Variants in MTAP observed in about 807,000 individuals in gnomAD.
MTAP encodes the protein S-methyl-5'-thioadenosine phosphorylase.
MTAP carries 33 observed loss-of-function variants against 33.6 expected under a neutral mutation model. The ratio of observed to expected loss-of-function variants is 0.98; its 90% CI spans 0.74 to 1.31. The LOEUF (loss-of-function observed/expected upper bound fraction) is 1.31. Among genes scored for constraint, MTAP ranks in the 40% most tolerant of loss-of-function variants. MTAP has a pLI of 0.00. For missense variants in MTAP, 367 were observed against 360.0 expected (o/e 1.02, Z -0.16); for synonymous variants, 148 against 125.7 (o/e 1.18, Z -1.19).
intron 5 of MTAP, among the ~76,000 whole-genome samples, chr9:21,852,420 G>A (rs1310037743): frequency 1.3e-5 from 2 of 150,342 alleles, no homozygotes; most frequent in Non-Finnish European, 2.9e-5. Context: ...CTGAGCCAGA[G>A]AACTGCTTGA....
downstream of MTAP, among the ~76,000 whole-genome samples, chr9:21,940,672 G>A (rs1819123224): frequency 6.6e-6 from 1 of 152,002 alleles, no homozygotes; most frequent in African/African-American, 2.4e-5. Context: ...AGTTTATAAT[G>A]AAAAATACAA....
At chr9:21,829,057 G>A (rs886993933) in intron 4 of MTAP, among the ~76,000 whole-genome samples, 9 of 152,118 alleles carry the variant, frequency 5.9e-5, no homozygotes, top group African/African-American at 2.2e-4. Flanking sequence ...TGTGGTTAAT[G>A]CCCTCTATGT....
chr9:21,930,843 GA>G, intron 1 of MTAP: 1 of 666,148 alleles, frequency 1.5e-6, no homozygotes, highest in South Asian at 1.8e-5. Flanking sequence ...CAGCTTACAA[GA>G]ACAAGCCTCT....
chr9:21,927,219 T>G (rs1156426457), intron 1 of MTAP, among the ~76,000 whole-genome samples: 1 of 152,158 alleles, frequency 6.6e-6, no homozygotes, highest in Non-Finnish European at 1.5e-5. Context: ...TCAAATGTCC[T>G]ATAGGTTACT....
chr9:21,832,694 G>T (rs1433138717), intron 4 of MTAP, among the ~76,000 whole-genome samples: 1 of 152,140 alleles, frequency 6.6e-6, no homozygotes, highest in Non-Finnish European at 1.5e-5. Flanking sequence ...ACCTAGTTGT[G>T]TTATTAACTT....
At chr9:21,874,926 T>C (rs1276790906) in intron 1 of MTAP, among the ~76,000 whole-genome samples, 1 of 152,206 alleles carries the variant, frequency 6.6e-6, no homozygotes, top group East Asian at 1.9e-4. Flanking sequence ...CTCCCACTTA[T>C]GAGTGAGAAC....
rs1045958264 is a variant in MTAP, at chr9:21,854,917, G to T, written c.690+47G>T. ...GCACATATAGCATGGGTTTCTGGGT[G>T]CCAATAGGGTGTCTTAACTGTTTGT... On this transcript the variant is annotated intron_variant, in intron 6 of 7. Transcript: ENST00000644715. 4.4e-6 allele frequency: 7 copies of T among 1,599,700 alleles called. No individual in the cohort carries two copies. In the African/African-American group the frequency reaches 9.4e-5, roughly 21 times the overall value.
chr9:21,896,168 C>A lies in MTAP; in HGVS notation c.148-34840C>A, dbSNP rs201779671. ...ACCTGCTCCTGAATGACTATTGGGT[C>A]CATAACGAAAGGAAGGCAGAAATAA... On this transcript the variant is annotated intron_variant, in intron 1 of 1. Coordinates refer to the MTAP transcript ENST00000577563. 7.2e-5 allele frequency among the ~76,000 whole-genome samples: 11 copies of A among 152,206 alleles called. No individual in the cohort carries two copies. The South Asian group carries it at 1.0e-3, about 14-fold the overall frequency.
chr9:21,859,173 C>T lies in MTAP; in HGVS notation c.691-130C>T, dbSNP rs528925738. The T allele has an allele frequency of 5.7e-5, 77 of 1,340,524 alleles. No individual in the cohort carries two copies. In the South Asian group the frequency reaches 9.3e-4, roughly 16 times the overall value. The allele number at this position is 1,340,524 out of a possible 1,614,324, so 83.0% of individuals were successfully genotyped here. ...CTCCAAATACCCTACATTGAGGATT[C>T]GGTTTCAGCAGATAAATTTGAGGGG... On this transcript the variant is annotated intron_variant, in intron 6 of 7. Coordinates refer to ENST00000644715, the MANE Select transcript of MTAP (RefSeq NM_002451.4).
chr9:21,823,935 C>T (rs1002831576), intron 4 of MTAP, among the ~76,000 whole-genome samples: 5 of 152,206 alleles, frequency 3.3e-5, no homozygotes, highest in Non-Finnish European at 7.3e-5. Flanking sequence ...ACGTAGTTCT[C>T]GTACTATGGT....
intron 7 of MTAP, chr9:21,860,000 G>A (rs1310931195): frequency 6.6e-6 from 1 of 152,088 alleles, no homozygotes; most frequent in Admixed American, 6.5e-5. Flanking sequence ...AACCACATAG[G>A]GAAAGACTTG....
At chr9:21,810,066 TAG>T (rs573028224) in intron 1 of MTAP, among the ~76,000 whole-genome samples, 7 of 152,362 alleles carry the variant, frequency 4.6e-5, no homozygotes, top group Non-Finnish European at 1.0e-4. Flanking sequence ...GACTAAAATA[TAG>T]AGTCACTGTA....
At chr9:21,829,046 T>C (rs1366025403) in intron 4 of MTAP, among the ~76,000 whole-genome samples, 1 of 152,368 alleles carries the variant, frequency 6.6e-6, no homozygotes, top group East Asian at 1.9e-4. Flanking sequence ...AGAAGATGCC[T>C]TGTGGTTAAT....
At chr9:21,817,711 C>T (rs1285655024) in intron 3 of MTAP, among the ~76,000 whole-genome samples, 2 of 151,968 alleles carry the variant, frequency 1.3e-5, no homozygotes, top group African/African-American at 2.4e-5. Context: ...AGAGCCTAAT[C>T]GTGGGAGTGA....
chr9:21,829,363 T>G (rs1270847564), intron 4 of MTAP, among the ~76,000 whole-genome samples: 1 of 152,178 alleles, frequency 6.6e-6, no homozygotes, highest in African/African-American at 2.4e-5. Flanking sequence ...ACGTTGGTTC[T>G]TTCTTCCCAA....
chr9:21,893,179 A>G (rs778389676), intron 1 of MTAP: 58 of 152,204 alleles, frequency 3.8e-4, no homozygotes, highest in African/African-American at 1.3e-3. Flanking sequence ...TGCCAATCCA[A>G]TTACCTCCAC....
At position 21,896,358 on chromosome 9, in the gene MTAP, G is replaced by C. The variant is rs1238901444; in HGVS notation, c.148-34650G>C. Among the ~76,000 whole-genome samples, 7 of 152,156 alleles carry C rather than the reference G, an allele frequency of 4.6e-5. No homozygotes were observed. The East Asian group carries it at 1.3e-3, about 29-fold the overall frequency. On this transcript the variant is annotated intron_variant, in intron 1 of 1. Transcript: ENST00000577563. ...GAAGCAAGAGCAAACACATTCAAAAGCTAGCAGAAGGCAAGAAATAACTAA... is the reference window on the plus strand; with the variant it reads ...GAAGCAAGAGCAAACACATTCAAAACCTAGCAGAAGGCAAGAAATAACTAA...
intron 1 of MTAP, among the ~76,000 whole-genome samples, chr9:21,811,373 G>C (rs1207571659): frequency 6.6e-6 from 1 of 152,202 alleles, no homozygotes; most frequent in Non-Finnish European, 1.5e-5. Flanking sequence ...CTGACCAGGT[G>C]AACTGGTATT....
In MTAP at chr9:21,823,517, C is replaced by T. The variant is rs572110225; in HGVS notation, c.347+5315C>T. ...TGATGGGCTTCCCTTGTGGGTAACC[C>T]GACCTTTCTCTCTGGCTGTCCTTAA... On this transcript the variant is annotated intron_variant, in intron 4 of 7. Coordinates refer to ENST00000644715, the MANE Select transcript of MTAP (RefSeq NM_002451.4). Among the ~76,000 whole-genome samples the T allele has an allele frequency of 9.9e-5, 15 of 152,262 alleles. 1 individual carries two copies. The highest frequency in any genetic ancestry group is 2.6e-4 in the African/African-American group (11 of 41,538).
Sources: gnomAD v4.1 joint callset for allele counts (sites outside exome capture counted in the v4.1 genomes callset) on GRCh38, gnomAD v4.1.1 for gene constraint, MANE v1.5 for transcripts, NCBI Gene and HGNC (gene_info 2026-07-23, HGNC 2026-07-21) for gene names.